The following MAEL variants were observed in gnomAD, a reference collection of about 807,000 sequenced individuals.
The protein encoded by MAEL is protein maelstrom homolog.
MAEL carries 46 observed loss-of-function variants against 62.0 expected under a neutral mutation model. That is an observed-to-expected ratio of 0.74 (90% CI 0.59 to 0.95). MAEL has a LOEUF of 0.95. MAEL is among the 40% of genes least tolerant of loss of function. MAEL has a pLI of 0.00. For synonymous variants in MAEL, 172 were observed against 175.5 expected (o/e 0.98, Z 0.16); for missense variants, 497 against 526.8 (o/e 0.94, Z 0.55).
intron 5 of MAEL, among the ~76,000 whole-genome samples, chr1:166,997,078 G>A (rs774119679): frequency 6.6e-6 from 1 of 152,086 alleles, no homozygotes; most frequent in African/African-American, 2.4e-5. Flanking sequence ...TGCCCGCCTC[G>A]GTCTCCCAAA....
Position 167,004,176 on chromosome 1 carries a change from T to G in MAEL, c.524-4T>G. On this transcript the variant is annotated splice_region_variant and splice_polypyrimidine_tract_variant and intron_variant, in intron 5 of 11. Coordinates refer to ENST00000367872, the MANE Select transcript of MAEL (RefSeq NM_032858.3). ...TTTGAACTTCTCCTTTTTATTTCCC[T>G]CAGGTGATTCTAGTCACAAGATTCC... 1 of 1,605,114 alleles carries G rather than the reference T, an allele frequency of 6.2e-7. No homozygotes were observed. Among genetic ancestry groups the G allele is most frequent in the Non-Finnish European group, 8.5e-7 (1 of 1,176,376 alleles).
intron 1 of MAEL, among the ~76,000 whole-genome samples, chr1:166,979,417 A>C (rs771950115): frequency 3.9e-5 from 6 of 152,118 alleles, no homozygotes; most frequent in Non-Finnish European, 7.4e-5. Flanking sequence ...CCAGAAAACC[A>C]AGGAACTAAA....
At chr1:167,019,175 C>T (rs1346373949) in intron 10 of MAEL, among the ~76,000 whole-genome samples, 2 of 152,012 alleles carry the variant, frequency 1.3e-5, no homozygotes, top group Non-Finnish European at 2.9e-5. Flanking sequence ...GGAGGGGGTG[C>T]CCCTGGCATT....
At chr1:166,991,662 G>GTT (rs149104032) in intron 3 of MAEL, among the ~76,000 whole-genome samples, 185 bp downstream of exon 3, 16 of 148,544 alleles carry the variant, frequency 1.1e-4, no homozygotes, top group African/African-American at 3.9e-4. Flanking sequence ...TAGGAGAGTG[G>GTT]TTTTTTTTTT....
At chr1:166,989,939 G>A in intron 2 of MAEL, 110 bp downstream of exon 2, 2 of 857,496 alleles carry the variant, frequency 2.3e-6, no homozygotes, top group Non-Finnish European at 3.6e-6. Context: ...TGGGGGTTCG[G>A]TTAGTGCGAA....
chr1:167,010,896 A>G (rs1230670999), intron 8 of MAEL, among the ~76,000 whole-genome samples: 5 of 152,286 alleles, frequency 3.3e-5, no homozygotes, highest in African/African-American at 1.2e-4. Flanking sequence ...CTCTCTGTCA[A>G]TGTGACAAAG....
chr1:166,986,121 A>G (rs905748722), upstream of MAEL, among the ~76,000 whole-genome samples: 11 of 152,322 alleles, frequency 7.2e-5, no homozygotes, highest in East Asian at 2.1e-3. Flanking sequence ...ACCAATGGAC[A>G]CTATGCAAAA....
intron 4 of MAEL, among the ~76,000 whole-genome samples, chr1:166,993,408 G>A (rs968774704): frequency 6.6e-6 from 1 of 152,174 alleles, no homozygotes; most frequent in Non-Finnish European, 1.5e-5. Context: ...AGGTAGGTAT[G>A]AAGACATAGG....
rs146571813 is a variant in MAEL at position 166,981,170 on chromosome 1, G to A, written c.-121+5504G>A. Among the ~76,000 whole-genome samples, 84 of 152,276 alleles carry A rather than the reference G, an allele frequency of 5.5e-4. 2 individuals carry two copies. In the East Asian group the frequency reaches 0.016, roughly 28 times the overall value. Reference sequence around the variant, plus strand: ...CAGCAGCCCTGACCTTTGTGTTGAAGTAGCGGGGCGAGGATCTCTCATAGA... The same window carrying A: ...CAGCAGCCCTGACCTTTGTGTTGAAATAGCGGGGCGAGGATCTCTCATAGA... On this transcript the variant is annotated intron_variant, in intron 1 of 12. Transcript: ENST00000622874.
chr1:167,019,084 G>A (rs763750143), intron 10 of MAEL, among the ~76,000 whole-genome samples: 2 of 152,102 alleles, frequency 1.3e-5, no homozygotes, highest in Non-Finnish European at 2.9e-5. Context: ...TAAACCTTTT[G>A]CCCAGTGGTT....
intron 8 of MAEL, among the ~76,000 whole-genome samples, chr1:167,010,979 A>G (rs1267846770): frequency 4.6e-5 from 7 of 151,206 alleles, no homozygotes; most frequent in African/African-American, 1.2e-4. Context: ...TATTTCCTGC[A>G]TGATCTTAAA....
intron 1 of MAEL, among the ~76,000 whole-genome samples, chr1:166,976,557 G>A (rs1026885779): frequency 6.6e-6 from 1 of 152,168 alleles, no homozygotes; most frequent in Non-Finnish European, 1.5e-5. Context: ...GGGGCACCAC[G>A]ATAAAGGAGG....
intron 5 of MAEL, among the ~76,000 whole-genome samples, chr1:167,001,737 A>C (rs1442857823): frequency 3.9e-5 from 6 of 152,160 alleles, no homozygotes; most frequent in African/African-American, 7.2e-5. Context: ...ATTTTAATGA[A>C]TGCTTTTTCT....
Position 167,016,126 on chromosome 1 carries a change from T to C in MAEL, c.846-96T>C, listed in dbSNP as rs1266566328. Reference sequence around the variant, plus strand: ...TTGAAGTTTTAGTCTTCAAGTAACCTCATTTTTTAAAAGATTTCAGATAGA... The same window carrying C: ...TTGAAGTTTTAGTCTTCAAGTAACCCCATTTTTTAAAAGATTTCAGATAGA... On this transcript the variant is annotated intron_variant, in intron 8 of 11. Coordinates refer to ENST00000367872, the MANE Select transcript of MAEL (RefSeq NM_032858.3). 9.1e-6 allele frequency: 10 copies of C among 1,103,470 alleles called. No individual in the cohort carries two copies. In the African/African-American group the frequency reaches 1.1e-4, roughly 12 times the overall value. 68.4% of individuals were successfully genotyped at this position (1,103,470 alleles called of 1,614,324 possible). A position where few individuals can be genotyped will look rare whatever the true frequency, so the allele number is the denominator to read the frequency against.
chr1:166,990,357 T>C (rs1482577794), intron 2 of MAEL: 1 of 152,542 alleles, frequency 6.6e-6, no homozygotes, highest in East Asian at 1.9e-4. Context: ...TGTGTATGTT[T>C]TACAAGAGTT....
rs1411103872 is a variant in MAEL at position 166,991,439 on chromosome 1, C to T, written c.287C>T (p.Pro96Leu). 1.2e-6 allele frequency: 2 copies of T among 1,612,886 alleles called. No individual in the cohort carries two copies. The highest frequency in any genetic ancestry group is 1.7e-5 in the Admixed American group (1 of 59,998). ...GMLVPKQNVS[P>L]PDMSALSLKG... is the part of the protein sequence containing the mutation. ...CTTGTACCAAAGCAGAATGTTTCACCTCCAGATATGTCAGCTTTGTCTTTA... is the reference window on the plus strand; with the variant it reads ...CTTGTACCAAAGCAGAATGTTTCACTTCCAGATATGTCAGCTTTGTCTTTA... Residue 96 changes from proline (P) to leucine (L), a missense_variant, in exon 3 of 12, where the codon CCT becomes CTT. Coordinates refer to ENST00000367872, the MANE Select transcript of MAEL (RefSeq NM_032858.3).
chr1:166,989,634 C>A (rs1664071816), intron 1 of MAEL, 103 bp from the exon 2 acceptor site: 2 of 1,451,262 alleles, frequency 1.4e-6, no homozygotes, highest in Non-Finnish European at 1.9e-6. Flanking sequence ...GGCAAACCGA[C>A]ACCAGAACCA....
In MAEL at chr1:167,007,972, T is replaced by C. The variant is rs569509488; in HGVS notation, c.845+2575T>C. Among the ~76,000 whole-genome samples, 4 of 152,262 alleles carry C rather than the reference T, an allele frequency of 2.6e-5. No homozygotes were observed. The South Asian group carries it at 8.3e-4, about 32-fold the overall frequency. On this transcript the variant is annotated intron_variant, in intron 8 of 11. Coordinates refer to ENST00000367872, the MANE Select transcript of MAEL (RefSeq NM_032858.3). ...ATTAATAGTTAAGTTCGTTTGCTTG[T>C]TTGTATTCCATTTTTGCTAATTTAG...
rs1198794644 is a variant in MAEL, at chr1:166,992,690, C to T, written c.330C>T (p.Leu110=). 6.3e-7 allele frequency: 1 copy of T among 1,584,064 alleles called. No homozygotes were observed. The highest frequency in any genetic ancestry group is 1.9e-5 in the Admixed American group (1 of 52,474). ...TATCTTACAATTTTTTTTTAGCTCTCCTTGGAGGCATTTTTTATTTTTTGA... is the reference window on the plus strand; with the variant it reads ...TATCTTACAATTTTTTTTTAGCTCTTCTTGGAGGCATTTTTTATTTTTTGA... ...SALSLKGDQA[L]LGGIFYFLNI... The change falls in exon 4 of 12, where the codon CTC becomes CTT. Residue 110 remains leucine (L), a synonymous_variant. Transcript: ENST00000367872.
Sources: allele counts gnomAD v4.1 joint callset (sites outside exome capture counted in the v4.1 genomes callset), GRCh38; gene constraint gnomAD v4.1.1; transcripts MANE v1.5; gene names NCBI Gene and HGNC (gene_info 2026-07-23, HGNC 2026-07-21).